The following ZFP2 variants were observed in gnomAD, a reference collection of about 807,000 sequenced individuals.
ZFP2 encodes ZFP2 zinc finger protein.
Under a neutral mutation model 36.1 loss-of-function variants are expected in ZFP2, and 33 were observed. The ratio of observed to expected loss-of-function variants is 0.92; its 90% CI spans 0.69 to 1.22. The LOEUF is 1.22. Ranked by LOEUF, ZFP2 falls within the 50% of genes most tolerant of loss-of-function variation. The probability of loss-of-function intolerance (pLI) is 0.00; values close to 1 mark genes in which losing one functional copy is unlikely to be tolerated. For missense variants in ZFP2, 522 were observed against 551.4 expected, an observed-to-expected ratio of 0.95 and a Z score of 0.53; for synonymous variants, 170 against 178.0, an observed-to-expected ratio of 0.96 and a Z score of 0.36.
chr5:178,910,946 C>T (rs1160201797), intron 1 of ZFP2, among the ~76,000 whole-genome samples: 5 of 152,084 alleles, frequency 3.3e-5, no homozygotes, highest in Non-Finnish European at 5.9e-5. Flanking sequence ...ATAGGGAAAG[C>T]GAACCATTGG....
intron 1 of ZFP2, among the ~76,000 whole-genome samples, chr5:178,903,613 CA>C (rs1270489750): frequency 6.6e-6 from 1 of 152,122 alleles, no homozygotes; most frequent in African/African-American, 2.4e-5. Context: ...TATTTTGCTA[CA>C]AAAAAGTTTT....
intron 1 of ZFP2, chr5:178,910,105 C>T (rs1398447416): frequency 6.8e-7 from 1 of 1,473,680 alleles, no homozygotes; most frequent in Admixed American, 1.7e-5. Flanking sequence ...TCCTGTTTGG[C>T]TTCTGTTAAG....
At chr5:178,905,130 AATT>A (rs1561678386) in intron 1 of ZFP2, among the ~76,000 whole-genome samples, 1 of 152,194 alleles carries the variant, frequency 6.6e-6, no homozygotes, top group Non-Finnish European at 1.5e-5. Context: ...AAAAAAGTAA[AATT>A]ATGCAGTTCT....
At chr5:178,902,451 A>G (rs537709609) in intron 1 of ZFP2, among the ~76,000 whole-genome samples, 1 of 152,134 alleles carries the variant, frequency 6.6e-6, no homozygotes, top group Non-Finnish European at 1.5e-5. Flanking sequence ...CACATCACAC[A>G]TTGTATTTAG....
At chr5:178,908,339 C>G (rs1331232081) in intron 1 of ZFP2, among the ~76,000 whole-genome samples, 1 of 151,276 alleles carries the variant, frequency 6.6e-6, no homozygotes, top group East Asian at 1.9e-4. Flanking sequence ...CCCAGCTACT[C>G]AGGAGGCCGA....
intron 3 of ZFP2, among the ~76,000 whole-genome samples, chr5:178,914,601 G>A (rs983024854): frequency 6.6e-5 from 10 of 152,144 alleles, no homozygotes; most frequent in African/African-American, 2.4e-4. Context: ...AGCACAGCAG[G>A]CAAAGTGTTT....
At chr5:178,905,145 A>G (rs1379372226) in intron 1 of ZFP2, among the ~76,000 whole-genome samples, 1 of 152,196 alleles carries the variant, frequency 6.6e-6, no homozygotes, top group Non-Finnish European at 1.5e-5. Flanking sequence ...TGCAGTTCTG[A>G]TTTGAATTTC....
chr5:178,905,281 A>G (rs1758147129), intron 1 of ZFP2, among the ~76,000 whole-genome samples: 1 of 151,924 alleles, frequency 6.6e-6, no homozygotes, highest in Non-Finnish European at 1.5e-5. Flanking sequence ...TTACAGACCA[A>G]TCATGAAGAT....
chr5:178,910,156 C>CA, intron 1 of ZFP2: 3 of 1,464,754 alleles, frequency 2.0e-6, no homozygotes, highest in African/African-American at 1.4e-5. Context: ...CTGCTGTCTG[C>CA]ATTTAATGCT....
chr5:178,928,520 G>A (rs146408714), intron 4 of ZFP2, among the ~76,000 whole-genome samples: 1 of 152,316 alleles, frequency 6.6e-6, no homozygotes, highest in Non-Finnish European at 1.5e-5. Context: ...AACCATCAGG[G>A]CAGTCATTAA....
chr5:178,932,682 CAAAGA>C lies in ZFP2; in HGVS notation c.1371_1375del (p.Gln457HisfsTer23). 1.2e-5 allele frequency: 19 copies of C among 1,600,516 alleles called. No individual in the cohort carries two copies. The highest frequency in any genetic ancestry group is 1.5e-5 in the Non-Finnish European group (18 of 1,173,706). The stretch of plus-strand genomic sequence containing the variant: ...CCGGAGTACAAACCTTACACGACAT[CAAAGA>C]ACTCATACGTGAGGAATGTTTTCAC... On this transcript the variant is annotated frameshift_variant, in exon 5 of 5. Transcript: ENST00000361362. LOFTEE classifies it high-confidence loss of function.
At chr5:178,913,856 T>G (rs1758357205) in intron 3 of ZFP2, 1 of 150,806 alleles carries the variant, frequency 6.6e-6, no homozygotes, top group African/African-American at 2.4e-5. Context: ...TTCTTTTTTT[T>G]TCTTTTTTTT....
At chr5:178,907,443 A>T (rs145867089) in intron 1 of ZFP2, among the ~76,000 whole-genome samples, 3 of 151,894 alleles carry the variant, frequency 2.0e-5, no homozygotes, top group Middle Eastern at 3.4e-3. Context: ...ATTACCCCAC[A>T]TGAGCCTGAC....
chr5:178,908,462 T>C (rs566284792), intron 1 of ZFP2, among the ~76,000 whole-genome samples: 1 of 150,062 alleles, frequency 6.7e-6, no homozygotes, highest in Non-Finnish European at 1.5e-5. Context: ...AAAAAAAAAT[T>C]ATTACAACCT....
chr5:178,925,192 C>T (rs1001796921), intron 4 of ZFP2, among the ~76,000 whole-genome samples: 27 of 145,574 alleles, frequency 1.9e-4, no homozygotes, highest in African/African-American at 6.5e-4. Flanking sequence ...TATTATGTGC[C>T]TTTGCTTATT....
chr5:178,900,482 C>T (rs1758033406), intron 1 of ZFP2, among the ~76,000 whole-genome samples: 1 of 54,940 alleles, frequency 1.8e-5, no homozygotes, highest in African/African-American at 7.0e-5. Flanking sequence ...CGTCCCCCTC[C>T]CCAGCCAGAC....
chr5:178,917,141 T>C (rs1758448989), intron 4 of ZFP2, among the ~76,000 whole-genome samples: 1 of 152,184 alleles, frequency 6.6e-6, no homozygotes, highest in African/African-American at 2.4e-5. Flanking sequence ...AGCAATTAGA[T>C]TTAAATCATT....
In ZFP2 at chr5:178,932,941, T is replaced by C; in HGVS notation, c.*242T>C. ...AGCTAATATAAACAATGAAGAGTCA[T>C]GCTGAAGATAAGTTCTGTTATATCA... On this transcript the variant is annotated 3_prime_UTR_variant, in exon 5 of 5. Transcript: ENST00000361362. 2.2e-6 allele frequency: 1 copy of C among 453,494 alleles called. No individual in the cohort carries two copies. Among genetic ancestry groups the C allele is most frequent in the East Asian group, 4.1e-5 (1 of 24,260 alleles). The allele number at this position is 453,494 out of a possible 1,614,324, so 28.1% of individuals were successfully genotyped here.
chr5:178,911,733 T>C (rs1252049593), intron 1 of ZFP2, among the ~76,000 whole-genome samples: 1 of 152,218 alleles, frequency 6.6e-6, no homozygotes, highest in Non-Finnish European at 1.5e-5. Flanking sequence ...TATTTACATA[T>C]CAAAATGCTC....
Sources: allele counts gnomAD v4.1 joint callset (sites outside exome capture counted in the v4.1 genomes callset), GRCh38; gene constraint gnomAD v4.1.1; transcripts MANE v1.5; gene names NCBI Gene and HGNC (gene_info 2026-07-23, HGNC 2026-07-21).